DCC: variants seen among roughly 807,000 people sequenced by gnomAD.
The protein encoded by DCC is netrin receptor DCC.
A neutral mutation model predicts 172.5 loss-of-function variants in DCC; 58 were observed. The observed-to-expected ratio is 0.34, with a 90% CI of 0.27 to 0.42. The LOEUF (loss-of-function observed/expected upper bound fraction) is 0.42. DCC is among the 10% of genes least tolerant of loss of function. DCC has a pLI of 1.00. For missense variants in DCC, 1,740 were observed against 1,791.0 expected, an observed-to-expected ratio of 0.97 and a Z score of 0.51; for synonymous variants, 709 against 644.5, an observed-to-expected ratio of 1.10 and a Z score of -1.52.
At chr18:52,635,747 G>GA (rs1201526876) in intron 1 of DCC, among the ~76,000 whole-genome samples, 1 of 152,052 alleles carries the variant, frequency 6.6e-6, no homozygotes, top group Non-Finnish European at 1.5e-5. Flanking sequence ...TTCTGACTAT[G>GA]AAAAATCAAT....
chr18:52,630,648 AT>A (rs906301906), intron 1 of DCC, among the ~76,000 whole-genome samples: 149 of 146,470 alleles, frequency 1.0e-3, no homozygotes, highest in Admixed American at 1.0e-3. Flanking sequence ...TGACGGTGAG[AT>A]TTTTTTTTTT....
intron 15 of DCC, among the ~76,000 whole-genome samples, chr18:53,350,037 A>G (rs1243520906): frequency 6.6e-6 from 1 of 152,208 alleles, no homozygotes; most frequent in African/African-American, 2.4e-5. Context: ...GAAAAGATAA[A>G]AAGTAACATA....
intron 1 of DCC, among the ~76,000 whole-genome samples, chr18:52,659,292 C>T (rs1419180152): frequency 6.6e-6 from 1 of 151,918 alleles, no homozygotes; most frequent in Non-Finnish European, 1.5e-5. Flanking sequence ...TCCAAAATAC[C>T]ATGACACTAT....
At chr18:52,953,765 C>A (rs1276267447) in intron 5 of DCC, among the ~76,000 whole-genome samples, 1 of 152,190 alleles carries the variant, frequency 6.6e-6, no homozygotes, top group Non-Finnish European at 1.5e-5. Context: ...AGGGCTCAAA[C>A]ACTATGAAAG....
intron 17 of DCC, among the ~76,000 whole-genome samples, chr18:53,393,320 T>C (rs1908695997): frequency 1.3e-5 from 2 of 152,198 alleles, no homozygotes; most frequent in South Asian, 4.1e-4. Context: ...GTTGAAACCA[T>C]TTAAAGACAG....
chr18:52,410,688 T>C (rs1427058367), intron 1 of DCC, among the ~76,000 whole-genome samples: 1 of 152,166 alleles, frequency 6.6e-6, no homozygotes, highest in Non-Finnish European at 1.5e-5. Context: ...ACTGCTAAAA[T>C]GCTCTGTTCA....
At chr18:52,355,490 G>A (rs1984321782) in intron 1 of DCC, among the ~76,000 whole-genome samples, 1 of 152,174 alleles carries the variant, frequency 6.6e-6, no homozygotes, top group African/African-American at 2.4e-5. Flanking sequence ...GAAAGCCATT[G>A]CTGAATGGAT....
intron 1 of DCC, among the ~76,000 whole-genome samples, chr18:52,356,029 T>A (rs531883176): frequency 1.3e-5 from 2 of 152,286 alleles, no homozygotes; most frequent in South Asian, 4.1e-4. Context: ...ATCTCATCAC[T>A]AGCAATGACT....
chr18:52,773,441 G>A (rs1599095219), intron 2 of DCC, among the ~76,000 whole-genome samples: 1 of 152,018 alleles, frequency 6.6e-6, no homozygotes, highest in East Asian at 1.9e-4. Flanking sequence ...ACAATACTGT[G>A]GGCATTGATA....
Position 52,456,824 on chromosome 18 carries a change from G to A in DCC, c.91+115946G>A, listed in dbSNP as rs528918259. On this transcript the variant is annotated intron_variant, in intron 1 of 28. Coordinates refer to ENST00000442544, the MANE Select transcript of DCC (RefSeq NM_005215.4). ...AAATGTAACTAATCAGCCACAAATCGCAAAGCTGGAAACAGAATTCCCTGT... is the reference window on the plus strand; with the variant it reads ...AAATGTAACTAATCAGCCACAAATCACAAAGCTGGAAACAGAATTCCCTGT... Among the ~76,000 whole-genome samples the A allele has an allele frequency of 1.6e-4, 24 of 152,012 alleles. 1 individual carries two copies. The highest frequency in any genetic ancestry group is 7.9e-4 in the Admixed American group (12 of 15,258).
intron 12 of DCC, among the ~76,000 whole-genome samples, chr18:53,276,986 A>C (rs1188007061): frequency 6.6e-6 from 1 of 152,070 alleles, no homozygotes. Flanking sequence ...AAACCAACAA[A>C]ATCAGTATTA....
intron 2 of DCC, among the ~76,000 whole-genome samples, chr18:52,807,609 T>C (rs1199599157): frequency 6.6e-6 from 1 of 152,228 alleles, no homozygotes; most frequent in African/African-American, 2.4e-5. Flanking sequence ...AACTTTGTCC[T>C]CAGGATCTCG....
chr18:53,247,105 C>A (rs187313643), intron 12 of DCC, among the ~76,000 whole-genome samples: 1 of 152,114 alleles, frequency 6.6e-6, no homozygotes, highest in East Asian at 1.9e-4. Flanking sequence ...GGCAGAGTAT[C>A]ATGAGCCATG....
intron 3 of DCC, among the ~76,000 whole-genome samples, chr18:52,918,217 T>C (rs1267045298): frequency 1.3e-5 from 2 of 152,142 alleles, no homozygotes; most frequent in Non-Finnish European, 2.9e-5. Context: ...TTGAACTATG[T>C]TCATTAATTT....
chr18:53,133,644 A>G (rs898395714), intron 7 of DCC, among the ~76,000 whole-genome samples: 4 of 152,206 alleles, frequency 2.6e-5, no homozygotes, highest in Non-Finnish European at 4.4e-5. Context: ...GATAAAACAG[A>G]AAACTATTAG....
chr18:52,682,114 G>A (rs1447763161), intron 1 of DCC, among the ~76,000 whole-genome samples: 1 of 152,066 alleles, frequency 6.6e-6, no homozygotes, highest in African/African-American at 2.4e-5. Context: ...TGCTAATGGG[G>A]TTCCATTTAT....
chr18:52,921,705 AAAT>A (rs71175538), intron 3 of DCC, among the ~76,000 whole-genome samples: 58,263 of 146,818 alleles, frequency 0.4, 12,138 homozygotes, highest in Non-Finnish European at 0.47. Context: ...TCAAAAATAA[AAAT>A]AATAATAATA....
chr18:52,864,106 T>A (rs558743139), intron 2 of DCC, among the ~76,000 whole-genome samples: 1 of 152,320 alleles, frequency 6.6e-6, no homozygotes, highest in African/African-American at 2.4e-5. Context: ...TAGCTTTAAT[T>A]TTTAAATTTT....
chr18:53,491,420 G>T (rs1360737210), intron 26 of DCC, among the ~76,000 whole-genome samples: 1 of 152,120 alleles, frequency 6.6e-6, no homozygotes, highest in African/African-American at 2.4e-5. Context: ...GTACAGGTTT[G>T]TTACATAGAT....
Sources: allele counts gnomAD v4.1 joint callset (sites outside exome capture counted in the v4.1 genomes callset), GRCh38; gene constraint gnomAD v4.1.1; transcripts MANE v1.5; gene names NCBI Gene and HGNC (gene_info 2026-07-23, HGNC 2026-07-21).